Variants in PRDM2 observed in about 807,000 individuals in gnomAD.
PRDM2 encodes the protein PR domain zinc finger protein 2.
Under a neutral mutation model 130.0 loss-of-function variants are expected in PRDM2, and 30 were observed. The ratio of observed to expected loss-of-function variants is 0.23; its 90% CI spans 0.17 to 0.31. The LOEUF (loss-of-function observed/expected upper bound fraction) is 0.31, where lower values mean the gene tolerates loss of function less well. PRDM2 is among the 10% of genes least tolerant of loss of function. The pLI, the probability that PRDM2 is intolerant of heterozygous loss-of-function variation, is 1.00. For missense variants in PRDM2, 2,011 were observed against 2,108.4 expected (o/e 0.95, Z 0.90); for synonymous variants, 871 against 782.4 (o/e 1.11, Z -1.89).
At chr1:13,791,546 T>G (rs77054640) in intron 8 of PRDM2, among the ~76,000 whole-genome samples, 2,139 of 152,270 alleles carry the variant, frequency 0.014, 45 homozygotes, top group African/African-American at 0.049. Flanking sequence ...AGAAAGTTGG[T>G]CTAGGCTGCC....
chr1:13,701,354 G>A (rs946264830), intron 1 of PRDM2, among the ~76,000 whole-genome samples: 2 of 152,114 alleles, frequency 1.3e-5, no homozygotes, highest in African/African-American at 4.8e-5. Context: ...AAAAGTGACC[G>A]AAACTTTTAA....
chr1:13,721,602 T>C (rs749561362), intron 2 of PRDM2, among the ~76,000 whole-genome samples: 5 of 152,142 alleles, frequency 3.3e-5, no homozygotes, highest in Non-Finnish European at 5.9e-5. Context: ...CTAGATAAAT[T>C]AGCAAATTTT....
At chr1:13,746,232 G>A (rs1009455655) in intron 5 of PRDM2, among the ~76,000 whole-genome samples, 1 of 151,628 alleles carries the variant, frequency 6.6e-6, no homozygotes, top group Non-Finnish European at 1.5e-5. Flanking sequence ...AAAAGAGGTT[G>A]TTTGGTCTTT....
intron 8 of PRDM2, among the ~76,000 whole-genome samples, chr1:13,811,865 G>C (rs1188541105): frequency 6.6e-6 from 1 of 152,266 alleles, no homozygotes; most frequent in Non-Finnish European, 1.5e-5. Context: ...CACTTAAGCT[G>C]AGACCCACAA....
chr1:13,822,950 C>T (rs984299434), intron 9 of PRDM2, among the ~76,000 whole-genome samples: 6 of 152,104 alleles, frequency 3.9e-5, no homozygotes, highest in East Asian at 1.9e-4. Flanking sequence ...GGCTGATGGG[C>T]GGCTGTCACA....
chr1:13,730,772 T>C (rs1643075747), intron 2 of PRDM2, among the ~76,000 whole-genome samples: 1 of 152,170 alleles, frequency 6.6e-6, no homozygotes, highest in Non-Finnish European at 1.5e-5. Flanking sequence ...TGGAACAAAA[T>C]AGAGTAACAC....
rs773928052 is a variant in PRDM2 at position 13,773,160 on chromosome 1, C to T, written c.594C>T (p.Thr198=). The T allele has an allele frequency of 3.8e-6, 6 of 1,570,084 alleles. No homozygotes were observed. The African/African-American group carries it at 4.1e-5, about 11-fold the overall frequency. Residue 198 remains threonine, a synonymous_variant, in exon 7 of 10, where the codon ACC becomes ACT. Transcript: ENST00000311066. ...TGAAGACAAGTGAGCCAGATTTCAC[C>T]TCTGCAAATATGAGAGATTCTGCAG... ...IQLKTSEPDF[T]SANMRDSAEG...
intron 4 of PRDM2, among the ~76,000 whole-genome samples, chr1:13,736,451 A>G (rs894650385): frequency 1.3e-5 from 2 of 151,956 alleles, no homozygotes; most frequent in African/African-American, 2.4e-5. Context: ...ATGCCTACCC[A>G]CAATTTCATT....
At chr1:13,784,163 G>T (rs1179258591) in intron 8 of PRDM2, among the ~76,000 whole-genome samples, 1 of 152,152 alleles carries the variant, frequency 6.6e-6, no homozygotes, top group Admixed American at 6.5e-5. Flanking sequence ...GTCTCTGGCC[G>T]CGGCACATAC....
intron 2 of PRDM2, chr1:13,722,957 C>T (rs1303665252): frequency 9.2e-6 from 4 of 434,678 alleles, no homozygotes; most frequent in East Asian, 1.4e-4. Context: ...ACTCTCCTGC[C>T]CAAACCCTCT....
chr1:13,767,383 C>T (rs781619170), intron 6 of PRDM2, among the ~76,000 whole-genome samples: 26 of 151,626 alleles, frequency 1.7e-4, no homozygotes, highest in Non-Finnish European at 3.2e-4. Context: ...CCATGACCTT[C>T]TGAGGTCGAG....
intron 2 of PRDM2, among the ~76,000 whole-genome samples, chr1:13,725,213 A>C (rs960531259): frequency 2.6e-5 from 4 of 152,062 alleles, no homozygotes; most frequent in East Asian, 3.9e-4. Flanking sequence ...TATGTACTCT[A>C]TTTATTTTTG....
chr1:13,724,604 C>T (rs1398201048), intron 2 of PRDM2, among the ~76,000 whole-genome samples: 1 of 151,374 alleles, frequency 6.6e-6, no homozygotes, highest in East Asian at 2.0e-4. Context: ...AAGCGATTCT[C>T]CTGCCTCAGC....
rs371996715 is a variant in PRDM2 at position 13,735,029 on chromosome 1, A to G, written c.231+2147A>G. 2.6e-5 allele frequency among the ~76,000 whole-genome samples: 4 copies of G among 152,328 alleles called. No individual in the cohort carries two copies. In the South Asian group the frequency reaches 6.2e-4, roughly 24 times the overall value. ...TGTATTAATGTAACAGAAATGGCTT[A>G]TCATCAGAATCTCATCTTGGCATTT... is the stretch of plus-strand genomic sequence containing the variant. On this transcript the variant is annotated intron_variant, in intron 4 of 9. Transcript: ENST00000311066.
intron 7 of PRDM2, among the ~76,000 whole-genome samples, chr1:13,774,025 T>G (rs1644416334): frequency 6.6e-6 from 1 of 152,208 alleles, no homozygotes; most frequent in Non-Finnish European, 1.5e-5. Context: ...GAATGAAGTG[T>G]GTTTCTGTTT....
chr1:13,744,184 A>G (rs1160651304), intron 5 of PRDM2, among the ~76,000 whole-genome samples: 2 of 152,220 alleles, frequency 1.3e-5, no homozygotes, highest in East Asian at 3.9e-4. Flanking sequence ...TCACAGAAAC[A>G]CTGAGAATCA....
intron 2 of PRDM2, among the ~76,000 whole-genome samples, chr1:13,724,972 C>A (rs1642863102): frequency 6.6e-6 from 1 of 152,044 alleles, no homozygotes; most frequent in East Asian, 1.9e-4. Context: ...ATTAAGCCCC[C>A]CTGCCTCCCT....
In PRDM2 at chr1:13,803,323, G is replaced by A. The variant is rs147398475; in HGVS notation, c.5037-13104G>A. On this transcript the variant is annotated intron_variant, in intron 8 of 9. Transcript: ENST00000311066. This position sits in a 1 kb window ranked among gnomAD's most constrained non-coding sequence, Gnocchi z 6.2. ...TCCATTTGTTCAGGAAACGTTCTCT[G>A]AGCACCAGCCTTTGCTAGGCCCCGT... 1.1e-3 allele frequency among the ~76,000 whole-genome samples: 168 copies of A among 152,316 alleles called. 1 individual carries two copies. The highest frequency in any genetic ancestry group is 3.9e-3 in the African/African-American group (164 of 41,570).
intron 2 of PRDM2, among the ~76,000 whole-genome samples, chr1:13,716,929 A>G (rs12025538): frequency 0.17 from 26,228 of 151,940 alleles, 2,826 homozygotes; most frequent in Admixed American, 0.24. Context: ...ATCAACTGAA[A>G]CTTTAGACAC....
Sources: allele counts gnomAD v4.1 joint callset (sites outside exome capture counted in the v4.1 genomes callset), GRCh38; gene constraint gnomAD v4.1.1; non-coding constraint Gnocchi (gnomAD v3.1); transcripts MANE v1.5; gene names NCBI Gene and HGNC (gene_info 2026-07-23, HGNC 2026-07-21).